The following ATP8B4 variants were observed in gnomAD, a reference collection of about 807,000 sequenced individuals.
ATP8B4 encodes ATPase phospholipid transporting 8B4 (putative).
Under a neutral mutation model 145.6 loss-of-function variants are expected in ATP8B4, and 133 were observed. The observed-to-expected ratio is 0.91, with a 90% CI of 0.79 to 1.05. The LOEUF (loss-of-function observed/expected upper bound fraction) is 1.05. ATP8B4 is among the 50% of genes least tolerant of loss of function. The pLI is 0.00. For missense variants in ATP8B4, 1,458 were observed against 1,425.2 expected, an observed-to-expected ratio of 1.02 and a Z score of -0.37; for synonymous variants, 507 against 492.9, an observed-to-expected ratio of 1.03 and a Z score of -0.38.
At chr15:50,172,362 T>C (rs1417371765) in intron 1 of ATP8B4, among the ~76,000 whole-genome samples, 3 of 152,262 alleles carry the variant, frequency 2.0e-5, no homozygotes, top group Non-Finnish European at 4.4e-5. Flanking sequence ...CGGGCTGGTC[T>C]CCAGCTCCTG....
At chr15:50,097,172 C>G (rs2056043199) in intron 2 of ATP8B4, among the ~76,000 whole-genome samples, 2 of 152,180 alleles carry the variant, frequency 1.3e-5, no homozygotes, top group Admixed American at 6.5e-5. Flanking sequence ...AGAAATAACA[C>G]TCTTTAAACA....
chr15:49,926,473 T>C (rs1567006975), intron 16 of ATP8B4, among the ~76,000 whole-genome samples: 1 of 152,146 alleles, frequency 6.6e-6, no homozygotes, highest in Non-Finnish European at 1.5e-5. Context: ...TCCAGACTCT[T>C]CTGTATATTC....
At chr15:50,072,251 C>T (rs997730001) in intron 3 of ATP8B4, among the ~76,000 whole-genome samples, 2 of 152,108 alleles carry the variant, frequency 1.3e-5, no homozygotes, top group Non-Finnish European at 2.9e-5. Flanking sequence ...AGCCATCAAA[C>T]CCCTCTTTGA....
At chr15:49,884,701 C>T (rs1172087377) in intron 23 of ATP8B4, among the ~76,000 whole-genome samples, 3 of 151,460 alleles carry the variant, frequency 2.0e-5, no homozygotes, top group Non-Finnish European at 1.5e-5. Flanking sequence ...ATTTTATATG[C>T]TATTTTTTGG....
intron 1 of ATP8B4, among the ~76,000 whole-genome samples, chr15:50,129,062 C>T (rs1026061231): frequency 3.3e-5 from 5 of 151,952 alleles, no homozygotes; most frequent in Non-Finnish European, 5.9e-5. Flanking sequence ...AGCGAGACTC[C>T]GTCTCAAAAA....
intron 16 of ATP8B4, among the ~76,000 whole-genome samples, chr15:49,930,730 A>G (rs567105454): frequency 9.2e-5 from 14 of 152,200 alleles, no homozygotes; most frequent in African/African-American, 3.1e-4. Flanking sequence ...CAAGTTACTC[A>G]ACCTTTCTGT....
At chr15:49,942,908 C>G (rs1044974879) in intron 14 of ATP8B4, among the ~76,000 whole-genome samples, 1 of 152,022 alleles carries the variant, frequency 6.6e-6, no homozygotes, top group African/African-American at 2.4e-5. Flanking sequence ...ATATGAATTA[C>G]CTGGCAAATA....
chr15:50,033,988 T>C (rs749648493), intron 6 of ATP8B4, among the ~76,000 whole-genome samples: 4 of 152,174 alleles, frequency 2.6e-5, no homozygotes, highest in Admixed American at 2.0e-4. Context: ...GAAGATTCCA[T>C]GTCTTTGCTA....
intron 25 of ATP8B4, among the ~76,000 whole-genome samples, chr15:49,871,153 C>G (rs1046349794): frequency 5.3e-5 from 8 of 152,210 alleles, no homozygotes; most frequent in Admixed American, 3.9e-4. Context: ...TGGAATATAA[C>G]TTAATCTTCT....
intron 3 of ATP8B4, among the ~76,000 whole-genome samples, chr15:50,065,909 A>G (rs1332885277): frequency 6.6e-6 from 1 of 152,048 alleles, no homozygotes; most frequent in Non-Finnish European, 1.5e-5. Flanking sequence ...GGAACAGGTA[A>G]ATAACAAACA....
At chr15:50,035,564 C>T (rs2050772439) in intron 6 of ATP8B4, among the ~76,000 whole-genome samples, 1 of 152,140 alleles carries the variant, frequency 6.6e-6, no homozygotes, top group Admixed American at 6.5e-5. Flanking sequence ...CACTATTACC[C>T]ACACCTTAGG....
chr15:49,977,439 C>T (rs1449738846), intron 12 of ATP8B4, among the ~76,000 whole-genome samples: 1 of 152,032 alleles, frequency 6.6e-6, no homozygotes, highest in Non-Finnish European at 1.5e-5. Context: ...TTGATTTCTT[C>T]ACTGAGTAAT....
At chr15:49,882,541 T>C (rs1207555269) in intron 23 of ATP8B4, among the ~76,000 whole-genome samples, 1 of 152,192 alleles carries the variant, frequency 6.6e-6, no homozygotes, top group East Asian at 1.9e-4. Context: ...AACAGAATAC[T>C]ATAGAATAAT....
chr15:49,876,067 C>G (rs1019903874), intron 25 of ATP8B4, among the ~76,000 whole-genome samples: 1 of 152,158 alleles, frequency 6.6e-6, no homozygotes, highest in African/African-American at 2.4e-5. Context: ...GAGGTTTCTA[C>G]TAACATGAAT....
At chr15:50,026,597 G>A (rs1274961185) in intron 6 of ATP8B4, among the ~76,000 whole-genome samples, 1 of 152,174 alleles carries the variant, frequency 6.6e-6, no homozygotes, top group African/African-American at 2.4e-5. Context: ...ATTTGAAAAG[G>A]GTTCTGCTTA....
chr15:49,950,611 C>CAAA (rs1316878072), intron 14 of ATP8B4, among the ~76,000 whole-genome samples: 25 of 107,172 alleles, frequency 2.3e-4, no homozygotes, highest in East Asian at 1.2e-3. Context: ...AACAAACAAA[C>CAAA]AAACAAACAA....
chr15:49,963,619 A>C (rs564785177), intron 13 of ATP8B4, among the ~76,000 whole-genome samples: 1 of 152,300 alleles, frequency 6.6e-6, no homozygotes, highest in African/African-American at 2.4e-5. Flanking sequence ...GGACATGGAT[A>C]GAGCTGGAAT....
intron 6 of ATP8B4, among the ~76,000 whole-genome samples, chr15:50,033,992 T>C (rs906987693): frequency 6.6e-6 from 1 of 152,222 alleles, no homozygotes; most frequent in Non-Finnish European, 1.5e-5. Context: ...ATTCCATGTC[T>C]TTGCTATTGT....
chr15:50,181,476 A>G (rs1474550295), intron 1 of ATP8B4, among the ~76,000 whole-genome samples: 3 of 152,264 alleles, frequency 2.0e-5, no homozygotes, highest in African/African-American at 4.8e-5. Flanking sequence ...ACAACTTTCA[A>G]CATGAGGGAA....
Sources: gnomAD v4.1 joint callset for allele counts (sites outside exome capture counted in the v4.1 genomes callset) on GRCh38, gnomAD v4.1.1 for gene constraint, MANE v1.5 for transcripts, NCBI Gene and HGNC (gene_info 2026-07-23, HGNC 2026-07-21) for gene names.